Variants in TMEM132B observed in about 807,000 individuals in gnomAD.
The protein encoded by TMEM132B is transmembrane protein 132B.
In TMEM132B, 18 loss-of-function variants were observed where a neutral mutation model predicts 90.8. The observed-to-expected ratio is 0.20, with a 90% confidence interval of 0.14 to 0.29. The LOEUF (loss-of-function observed/expected upper bound fraction) is 0.29, where lower values mean the gene tolerates loss of function less well. TMEM132B is among the 10% of genes least tolerant of loss of function. TMEM132B has a pLI of 1.00. For synonymous variants in TMEM132B, 504 were observed against 523.3 expected (o/e 0.96, Z 0.50); for missense variants, 1,096 against 1,326.8 (o/e 0.83, Z 2.70).
Position 125,577,823 on chromosome 12 carries a change from G to A in TMEM132B, c.1294-6028G>A, listed in dbSNP as rs140610409. 6.7e-3 allele frequency among the ~76,000 whole-genome samples: 1,013 copies of A among 151,984 alleles called. 14 individuals carry two copies. Among genetic ancestry groups the A allele is most frequent in the African/African-American group, 0.022 (915 of 41,498 alleles). On this transcript the variant is annotated intron_variant, in intron 4 of 8. Transcript: ENST00000682704. Reference sequence around the variant, plus strand: ...TGTTTTCATTTTTACTCATCTCATAGTATTTTCTGATTTCTCTTGTGATTT... The same window carrying A: ...TGTTTTCATTTTTACTCATCTCATAATATTTTCTGATTTCTCTTGTGATTT...
intron 1 of TMEM132B, among the ~76,000 whole-genome samples, chr12:125,272,999 A>T (rs553390377): frequency 3.9e-4 from 59 of 152,362 alleles, no homozygotes; most frequent in Non-Finnish European, 6.6e-4. Flanking sequence ...AAACATCTCT[A>T]TTTATATTTG....
chr12:125,569,302 C>G (rs1414348640), intron 4 of TMEM132B, among the ~76,000 whole-genome samples: 2 of 152,094 alleles, frequency 1.3e-5, no homozygotes, highest in Non-Finnish European at 2.9e-5. Context: ...TATCGCCCCA[C>G]CTTACAGAAA....
chr12:125,600,624 A>G (rs754815442), intron 5 of TMEM132B, among the ~76,000 whole-genome samples: 3 of 152,222 alleles, frequency 2.0e-5, no homozygotes, highest in Non-Finnish European at 4.4e-5. Flanking sequence ...TTTTCAAGGC[A>G]GCATTTAATG....
chr12:125,579,705 T>C (rs985936558), intron 4 of TMEM132B, among the ~76,000 whole-genome samples: 19 of 152,296 alleles, frequency 1.2e-4, no homozygotes, highest in African/African-American at 4.1e-4. Context: ...TTTATTTCTT[T>C]GAATATATTC....
chr12:125,439,817 CT>C (rs1286443237), intron 3 of TMEM132B, among the ~76,000 whole-genome samples: 1 of 152,116 alleles, frequency 6.6e-6, no homozygotes, highest in Admixed American at 6.5e-5. Context: ...TCATAGATGG[CT>C]ATTATTATTT....
At chr12:125,274,068 C>T (rs1419637261) in intron 1 of TMEM132B, among the ~76,000 whole-genome samples, 4 of 152,158 alleles carry the variant, frequency 2.6e-5, no homozygotes, top group African/African-American at 9.7e-5. Context: ...TCCTTTGCTG[C>T]TCTGTTTGCT....
chr12:125,544,147 A>T (rs1442614575), intron 4 of TMEM132B, among the ~76,000 whole-genome samples: 1 of 152,212 alleles, frequency 6.6e-6, no homozygotes, highest in African/African-American at 2.4e-5. Flanking sequence ...GGAGTTGAAC[A>T]GTGAGAACAC....
intron 5 of TMEM132B, chr12:125,586,155 C>T (rs1593006707): frequency 6.6e-6 from 1 of 152,164 alleles, no homozygotes; most frequent in Non-Finnish European, 1.5e-5. Flanking sequence ...CACAGTCATA[C>T]TTCAGAGTAC....
chr12:125,422,939 C>T (rs911542249), intron 3 of TMEM132B, among the ~76,000 whole-genome samples: 7 of 152,204 alleles, frequency 4.6e-5, no homozygotes, highest in Non-Finnish European at 8.8e-5. Flanking sequence ...ACAGCAGCCC[C>T]AGGAAACTAG....
intron 1 of TMEM132B, among the ~76,000 whole-genome samples, chr12:125,257,965 G>A (rs1225610185): frequency 1.3e-5 from 2 of 152,208 alleles, no homozygotes; most frequent in Admixed American, 1.3e-4. Context: ...GAGAGTAAAT[G>A]TGTATTGTCT....
At chr12:125,450,042 A>G (rs562491937) in intron 3 of TMEM132B, among the ~76,000 whole-genome samples, 8 of 152,302 alleles carry the variant, frequency 5.3e-5, no homozygotes, top group Middle Eastern at 3.4e-3. Flanking sequence ...GTATGCATGT[A>G]TGTTTAACTG....
intron 1 of TMEM132B, among the ~76,000 whole-genome samples, chr12:125,321,237 G>C (rs531786688): frequency 6.6e-6 from 1 of 152,246 alleles, no homozygotes; most frequent in East Asian, 1.9e-4. Context: ...TCTCAATTTC[G>C]ATTTGTTTAC....
chr12:125,545,181 G>T (rs1884056810), intron 4 of TMEM132B, among the ~76,000 whole-genome samples: 1 of 152,312 alleles, frequency 6.6e-6, no homozygotes, highest in Non-Finnish European at 1.5e-5. Flanking sequence ...CAAGCGGCTT[G>T]CTCTCCAAGG....
chr12:125,433,371 T>C (rs1240738483), intron 3 of TMEM132B, among the ~76,000 whole-genome samples: 2 of 152,122 alleles, frequency 1.3e-5, no homozygotes. Context: ...CAAATGGCTT[T>C]ATTTCTGGAA....
In TMEM132B at chr12:125,415,659, G is replaced by T; in HGVS notation, c.1088G>T (p.Arg363Leu). The T allele has an allele frequency of 1.9e-6, 3 of 1,614,120 alleles. No homozygotes were observed. The highest frequency in any genetic ancestry group is 1.7e-6 in the Non-Finnish European group (2 of 1,180,010). Residue 363 changes from arginine to leucine, a missense_variant, in exon 3 of 9, where the codon CGC becomes CTC. Transcript: ENST00000682704. The surrounding 1 kb of genome is among the most constrained non-coding windows in gnomAD (Gnocchi z 5.3). Reference sequence around the variant, plus strand: ...GCCACCCTCACCTGCATGGGCCATCGCCCGGACACGCAGAGCAGGTAAGCA... The same window carrying T: ...GCCACCCTCACCTGCATGGGCCATCTCCCGGACACGCAGAGCAGGTAAGCA... Reference protein sequence around the residue: ...TSATLTCMGHRPDTQSRVNGS... With the variant: ...TSATLTCMGHLPDTQSRVNGS...
chr12:125,460,625 G>A lies in TMEM132B; in HGVS notation c.1106+44948G>A, dbSNP rs181947630. Among the ~76,000 whole-genome samples the A allele has an allele frequency of 2.6e-5, 4 of 152,342 alleles. No homozygotes were observed. The East Asian group carries it at 7.7e-4, about 29-fold the overall frequency. ...TCAACAGTACTGCTCAACCGTTTGA[G>A]TATCTGCGGCCTTTTCATTGTTCTC... On this transcript the variant is annotated intron_variant, in intron 3 of 8. Coordinates refer to ENST00000682704, the MANE Select transcript of TMEM132B (RefSeq NM_001366854.1). The surrounding 1 kb of genome is among the most constrained non-coding windows in gnomAD (Gnocchi z 4.4).
rs1887043874 is a variant in TMEM132B at position 125,655,733 on chromosome 12, A to G, written c.*1023A>G. The G allele has an allele frequency of 6.6e-6, 1 of 152,240 alleles. No individual in the cohort carries two copies. The highest frequency in any genetic ancestry group is 6.5e-5 in the Admixed American group (1 of 15,284). 9.4% of individuals were successfully genotyped at this position (152,240 alleles called of 1,614,324 possible). On this transcript the variant is annotated 3_prime_UTR_variant, in exon 9 of 9. Coordinates refer to ENST00000682704, the MANE Select transcript of TMEM132B (RefSeq NM_001366854.1). ...CTTAAAGTAGAATTGACCTACACAG[A>G]AAGGAAATTGCCTAGGCAATAGATG... is the stretch of plus-strand genomic sequence containing the variant.
intron 4 of TMEM132B, among the ~76,000 whole-genome samples, chr12:125,540,867 C>T (rs1883936825): frequency 6.6e-6 from 1 of 152,252 alleles, no homozygotes. Flanking sequence ...GTAGAGCTCA[C>T]CAGATCTGGC....
In TMEM132B at chr12:125,619,355, T is replaced by C. The variant is rs957347646; in HGVS notation, c.1438-24721T>C. Among the ~76,000 whole-genome samples the C allele has an allele frequency of 1.3e-3, 154 of 120,476 alleles. 1 individual carries two copies. Among genetic ancestry groups the C allele is most frequent in the African/African-American group, 3.9e-3 (147 of 38,080 alleles). The allele number at this position is 120,476 out of a possible 152,430, so 79.0% of individuals were successfully genotyped here. On this transcript the variant is annotated intron_variant, in intron 5 of 8. Transcript: ENST00000682704. ...ATATTTATTTATTTATTTATTTATT[T>C]ATTTATTTATTTATTTATTTATTTA...
Sources: gnomAD v4.1 joint callset for allele counts (sites outside exome capture counted in the v4.1 genomes callset) on GRCh38, gnomAD v4.1.1 for gene constraint, Gnocchi (gnomAD v3.1) non-coding constraint, MANE v1.5 for transcripts, NCBI Gene and HGNC (gene_info 2026-07-23, HGNC 2026-07-21) for gene names.